LAMA2: variants seen among roughly 807,000 people sequenced by gnomAD.
LAMA2 encodes the protein laminin subunit alpha 2.
A neutral mutation model predicts 364.8 loss-of-function variants in LAMA2; 269 were observed. The observed-to-expected ratio is 0.74, with a 90% confidence interval of 0.67 to 0.82. The LOEUF is 0.82. Ranked by LOEUF, LAMA2 falls within the 40% of genes least tolerant of loss-of-function variation. The probability of loss-of-function intolerance (pLI) is 0.00; values close to 1 mark genes in which losing one functional copy is unlikely to be tolerated. For synonymous variants in LAMA2, 1,379 were observed against 1,370.6 expected (o/e 1.01, Z -0.14); for missense variants, 3,807 against 3,873.2 (o/e 0.98, Z 0.45).
chr6:129,352,725 C>G (rs922287799), intron 31 of LAMA2, among the ~76,000 whole-genome samples: 1 of 152,072 alleles, frequency 6.6e-6, no homozygotes, highest in Admixed American at 6.5e-5. Flanking sequence ...AAATTTGGCC[C>G]ATTTCTGATT....
At chr6:129,343,988 A>G (rs1013463033) in intron 30 of LAMA2, among the ~76,000 whole-genome samples, 17 of 152,212 alleles carry the variant, frequency 1.1e-4, no homozygotes, top group Admixed American at 9.2e-4. Context: ...TTCAGACACA[A>G]TTTCATGATC....
At chr6:128,929,815 G>T in intron 1 of LAMA2, 1 of 1,052,326 alleles carries the variant, frequency 9.5e-7, no homozygotes, top group Non-Finnish European at 1.5e-6. Context: ...CAGAGTCTTG[G>T]TAGAAGATAC....
chr6:129,319,374 G>T (rs895763531), intron 27 of LAMA2, among the ~76,000 whole-genome samples: 1 of 151,032 alleles, frequency 6.6e-6, no homozygotes, highest in African/African-American at 2.5e-5. Flanking sequence ...TTAAAAAGTG[G>T]GGGGAATATC....
At chr6:128,929,981 T>G in intron 1 of LAMA2, 1 of 605,352 alleles carries the variant, frequency 1.7e-6, no homozygotes, top group Non-Finnish European at 3.0e-6. Flanking sequence ...GAGGCGATCT[T>G]TGCGCACGGC....
chr6:129,205,153 G>C (rs148196021), intron 12 of LAMA2, among the ~76,000 whole-genome samples: 346 of 152,114 alleles, frequency 2.3e-3, no homozygotes, highest in African/African-American at 7.4e-3. Flanking sequence ...ACTTTGGGAG[G>C]CTGAGGCAGA....
chr6:129,413,939 G>A (rs1412185555), intron 40 of LAMA2, among the ~76,000 whole-genome samples: 3 of 152,088 alleles, frequency 2.0e-5, no homozygotes, highest in Non-Finnish European at 4.4e-5. Context: ...TGACAAAACA[G>A]CAAGTTGATT....
At chr6:129,325,069 G>A (rs961970273) in intron 28 of LAMA2, among the ~76,000 whole-genome samples, 3 of 152,272 alleles carry the variant, frequency 2.0e-5, no homozygotes, top group East Asian at 3.9e-4. Context: ...AGAAAGGAGC[G>A]CAGTGTGCAG....
intron 3 of LAMA2, among the ~76,000 whole-genome samples, chr6:129,094,024 C>T (rs530063270): frequency 1.4e-3 from 210 of 152,068 alleles, no homozygotes; most frequent in African/African-American, 4.9e-3. Flanking sequence ...TTTGAAGAGT[C>T]TTTATAATGA....
intron 30 of LAMA2, among the ~76,000 whole-genome samples, chr6:129,345,854 G>C (rs769880024): frequency 2.6e-5 from 4 of 152,088 alleles, no homozygotes; most frequent in Non-Finnish European, 5.9e-5. Flanking sequence ...ACAAAGTGAA[G>C]ACCTATAAAT....
intron 1 of LAMA2, among the ~76,000 whole-genome samples, chr6:129,033,309 G>A (rs6928626): frequency 0.57 from 86,936 of 151,928 alleles, 29,055 homozygotes; most frequent in East Asian, 0.96. Flanking sequence ...ACATAATGTG[G>A]AACAGTGTTT....
At chr6:129,300,044 C>G (rs1773452961) in intron 21 of LAMA2, among the ~76,000 whole-genome samples, 1 of 152,086 alleles carries the variant, frequency 6.6e-6, no homozygotes, top group African/African-American at 2.4e-5. Flanking sequence ...TGAAGATATT[C>G]TCAAACATTA....
chr6:129,262,314 G>T (rs186975374), intron 15 of LAMA2, among the ~76,000 whole-genome samples: 1 of 151,992 alleles, frequency 6.6e-6, no homozygotes, highest in Non-Finnish European at 1.5e-5. Flanking sequence ...TATGAAAAAT[G>T]GGATCTCAGC....
intron 1 of LAMA2, among the ~76,000 whole-genome samples, chr6:129,022,475 A>C (rs576734438): frequency 6.6e-6 from 1 of 152,144 alleles, no homozygotes; most frequent in Non-Finnish European, 1.5e-5. Context: ...GCATGTTATA[A>C]ATTCATTCTC....
At chr6:129,423,748 A>C (rs1282321053) in intron 40 of LAMA2, among the ~76,000 whole-genome samples, 1 of 152,094 alleles carries the variant, frequency 6.6e-6, no homozygotes, top group Non-Finnish European at 1.5e-5. Context: ...AATACTCTGG[A>C]GATAAATAAA....
intron 1 of LAMA2, among the ~76,000 whole-genome samples, chr6:129,016,514 A>G (rs1785081431): frequency 6.6e-6 from 1 of 151,986 alleles, no homozygotes; most frequent in Non-Finnish European, 1.5e-5. Context: ...TGAACAAACA[A>G]CTGTTATACC....
rs74423815 is a variant in LAMA2 at position 128,929,254 on chromosome 6, G to A, written c.112+45897G>A. 63 of 1,425,268 alleles carry A rather than the reference G, an allele frequency of 4.4e-5. No individual in the cohort carries two copies. The African/African-American group carries it at 7.3e-4, about 16-fold the overall frequency. The allele number at this position is 1,425,268 out of a possible 1,614,324, so 88.3% of individuals were successfully genotyped here. On this transcript the variant is annotated intron_variant, in intron 1 of 64. Coordinates refer to ENST00000421865, the MANE Select transcript of LAMA2 (RefSeq NM_000426.4). Reference sequence around the variant, plus strand: ...TCTGATTGATGTACTGTAAGAGACCGTCAATGGCTAAGTTCCCGTCATTGA... The same window carrying A: ...TCTGATTGATGTACTGTAAGAGACCATCAATGGCTAAGTTCCCGTCATTGA...
intron 19 of LAMA2, among the ~76,000 whole-genome samples, chr6:129,290,465 G>A (rs1033909082): frequency 6.6e-6 from 1 of 152,100 alleles, no homozygotes; most frequent in Non-Finnish European, 1.5e-5. Flanking sequence ...TTTTAGAAAA[G>A]CAGTTCTTTT....
intron 1 of LAMA2, among the ~76,000 whole-genome samples, chr6:129,027,510 A>C (rs1785908663): frequency 6.6e-6 from 1 of 152,186 alleles, no homozygotes; most frequent in South Asian, 2.1e-4. Flanking sequence ...AAGATTCAGA[A>C]GAAGTATACA....
intron 4 of LAMA2, among the ~76,000 whole-genome samples, chr6:129,099,544 C>T (rs532695905): frequency 2.6e-5 from 4 of 152,188 alleles, no homozygotes; most frequent in African/African-American, 9.6e-5. Flanking sequence ...ATACTCATGT[C>T]TGATATTCTC....
Sources: gnomAD v4.1 joint callset for allele counts (sites outside exome capture counted in the v4.1 genomes callset) on GRCh38, gnomAD v4.1.1 for gene constraint, MANE v1.5 for transcripts, NCBI Gene and HGNC (gene_info 2026-07-23, HGNC 2026-07-21) for gene names.